The following RAI2 variants were observed in gnomAD, a reference collection of about 807,000 sequenced individuals.
RAI2 encodes the protein retinoic acid-induced protein 2.
A neutral mutation model predicts 15.3 loss-of-function variants in RAI2; 5 were observed. That is an observed-to-expected ratio of 0.33 (90% confidence interval 0.17 to 0.69). The LOEUF (loss-of-function observed/expected upper bound fraction) is 0.69. RAI2 is among the 30% of genes least tolerant of loss of function. The pLI is 0.69. For synonymous variants in RAI2, 191 were observed against 184.0 expected (o/e 1.04, Z -0.31); for missense variants, 424 against 424.7 (o/e 1.00, Z 0.01).
chrX:17,827,357 C>T (rs941525394), intron 1 of RAI2, among the ~76,000 whole-genome samples: 1 of 112,092 alleles, frequency 8.9e-6, no homozygotes, highest in Non-Finnish European at 1.9e-5. Context: ...TGTTCGACAA[C>T]CAATAAACAT....
intron 1 of RAI2, among the ~76,000 whole-genome samples, chrX:17,858,122 A>G (rs1028684386): frequency 1.2e-4 from 13 of 111,741 alleles, no homozygotes; most frequent in Non-Finnish European, 2.3e-4. Flanking sequence ...TGAGATGGGA[A>G]AGATTATTCC....
intron 1 of RAI2, among the ~76,000 whole-genome samples, chrX:17,830,291 T>C (rs778584864): frequency 8.9e-6 from 1 of 112,259 alleles, no homozygotes; most frequent in South Asian, 3.7e-4. Context: ...TGCACCTCCA[T>C]TTAGGAAAAC....
In RAI2 at chrX:17,820,890, T is replaced by TA. The variant is rs55976503; in HGVS notation, c.-24-18857dup. Among the ~76,000 whole-genome samples, 967 of 97,615 alleles carry TA rather than the reference T, an allele frequency of 9.9e-3. 12 individuals are homozygous for TA. The highest frequency in any genetic ancestry group is 0.032 in the Admixed American group (287 of 9,016). 84.8% of individuals were successfully genotyped at this position (97,615 alleles called of 115,157 possible). On this transcript the variant is annotated intron_variant, in intron 1 of 1. Transcript: ENST00000451717. ...CTCCAGCCAAATCAGCATTCTTTTG[T>TA]AAAAAAAAAAAAAAATAGAGACATT...
intron 1 of RAI2, among the ~76,000 whole-genome samples, chrX:17,842,239 A>G (rs2067406372): frequency 9.0e-6 from 1 of 111,436 alleles, no homozygotes; most frequent in Non-Finnish European, 1.9e-5. Flanking sequence ...CCCACAGTCC[A>G]TGGAAAACCA....
At chrX:17,833,473 G>C (rs1366175502) in intron 1 of RAI2, among the ~76,000 whole-genome samples, 1 of 111,950 alleles carries the variant, frequency 8.9e-6, no homozygotes, top group Non-Finnish European at 1.9e-5. Flanking sequence ...AGTAAGCTGA[G>C]ATCATGCCAC....
At chrX:17,818,952 A>G (rs2067134928) in intron 1 of RAI2, among the ~76,000 whole-genome samples, 2 of 112,621 alleles carry the variant, frequency 1.8e-5, no homozygotes. Flanking sequence ...GGCGTGCCAC[A>G]CCATTTGCCC....
At chrX:17,807,717 G>A (rs752420362) in intron 1 of RAI2, among the ~76,000 whole-genome samples, 46 of 111,935 alleles carry the variant, frequency 4.1e-4, no homozygotes, top group Middle Eastern at 4.6e-3. Context: ...AGGCTCTGAT[G>A]GGTCAGTGTT....
chrX:17,811,422 A>G (rs1020955167), intron 1 of RAI2, among the ~76,000 whole-genome samples: 2 of 112,562 alleles, frequency 1.8e-5, no homozygotes, highest in Non-Finnish European at 1.9e-5. Flanking sequence ...GCCAAGGTCT[A>G]TCATCTTAAA....
At chrX:17,822,140 A>C (rs2067172909) in intron 1 of RAI2, among the ~76,000 whole-genome samples, 1 of 112,364 alleles carries the variant, frequency 8.9e-6, no homozygotes, top group Non-Finnish European at 1.9e-5. Context: ...TCATACAAGC[A>C]CAAGCAAGAG....
chrX:17,852,233 G>A (rs1202414802), intron 1 of RAI2, among the ~76,000 whole-genome samples: 1 of 112,077 alleles, frequency 8.9e-6, no homozygotes, highest in Admixed American at 9.4e-5. Context: ...TGGCGACAAG[G>A]AAGACTTCAA....
At chrX:17,814,840 CAGAG>C (rs1434248414) in intron 1 of RAI2, among the ~76,000 whole-genome samples, 1 of 110,439 alleles carries the variant, frequency 9.1e-6, no homozygotes. Flanking sequence ...GGATGAGTCA[CAGAG>C]GGAGTTTCTT....
At chrX:17,852,377 G>T (rs2067546868) in intron 1 of RAI2, among the ~76,000 whole-genome samples, 3 of 111,881 alleles carry the variant, frequency 2.7e-5, no homozygotes. Context: ...TTTGGAAAAG[G>T]TCAGCCTACC....
At chrX:17,860,929 G>T (rs1188836550) in intron 1 of RAI2, among the ~76,000 whole-genome samples, 169 bp downstream of exon 1, 2 of 104,595 alleles carry the variant, frequency 1.9e-5, no homozygotes, top group Admixed American at 9.7e-5. Context: ...GGCCCTCCCA[G>T]CCGGCCCCGG....
At chrX:17,830,225 C>T (rs1197776606) in intron 1 of RAI2, among the ~76,000 whole-genome samples, 1 of 112,536 alleles carries the variant, frequency 8.9e-6, no homozygotes, top group East Asian at 2.8e-4. Context: ...AAGTGGCTTG[C>T]ACACAGTAGG....
chrX:17,857,442 T>C (rs1169311203), intron 1 of RAI2, among the ~76,000 whole-genome samples: 3 of 111,949 alleles, frequency 2.7e-5, no homozygotes, highest in East Asian at 5.6e-4. Flanking sequence ...TGTTTGTTTA[T>C]TTGAGACAGT....
intron 1 of RAI2, among the ~76,000 whole-genome samples, chrX:17,821,642 G>C (rs1256271204): frequency 4.5e-5 from 5 of 111,039 alleles, no homozygotes; most frequent in African/African-American, 1.6e-4. Context: ...TTTCAGAGTG[G>C]TAGGAAAGAA....
chrX:17,832,467 T>C (rs573279845), intron 1 of RAI2, among the ~76,000 whole-genome samples: 1 of 112,197 alleles, frequency 8.9e-6, no homozygotes, highest in Admixed American at 9.4e-5. Flanking sequence ...CATCCCTTTG[T>C]GCCCAGTTTC....
chrX:17,816,846 C>G (rs776160173), intron 1 of RAI2, among the ~76,000 whole-genome samples: 17 of 111,661 alleles, frequency 1.5e-4, no homozygotes, highest in Non-Finnish European at 2.6e-4. Context: ...TGAGTTCTAG[C>G]AAAGGGAACG....
chrX:17,857,861 T>C (rs1195944053), intron 1 of RAI2, among the ~76,000 whole-genome samples: 1 of 112,271 alleles, frequency 8.9e-6, no homozygotes, highest in Non-Finnish European at 1.9e-5. Context: ...ATTTCGGATC[T>C]ATCTACTTGG....
Sources: gnomAD v4.1 joint callset for allele counts (sites outside exome capture counted in the v4.1 genomes callset) on GRCh38, gnomAD v4.1.1 for gene constraint, MANE v1.5 for transcripts, NCBI Gene and HGNC (gene_info 2026-07-23, HGNC 2026-07-21) for gene names.